Variants in RBL1 observed in about 807,000 individuals in gnomAD.
The protein encoded by RBL1 is RB transcriptional corepressor like 1.
Under a neutral mutation model 123.0 loss-of-function variants are expected in RBL1, and 82 were observed. The observed-to-expected ratio is 0.67, with a 90% CI of 0.56 to 0.80. The LOEUF (loss-of-function observed/expected upper bound fraction) is 0.80. Among genes scored for constraint, RBL1 ranks in the 30% least tolerant of loss-of-function variants. The pLI is 0.00. For missense variants in RBL1, 1,171 were observed against 1,299.6 expected (o/e 0.90, Z 1.52); for synonymous variants, 405 against 441.3 (o/e 0.92, Z 1.03).
At chr20:37,014,720 TGCCACTGTACTCCA>T (rs1190404891) in intron 19 of RBL1, among the ~76,000 whole-genome samples, 1 of 151,906 alleles carries the variant, frequency 6.6e-6, no homozygotes, top group Non-Finnish European at 1.5e-5. Flanking sequence ...GCTGTGACTG[TGCCACTGTACTCCA>T]GCCTGGGTGA....
At chr20:37,001,195 G>A (rs1172183801) in intron 21 of RBL1, among the ~76,000 whole-genome samples, 1 of 147,356 alleles carries the variant, frequency 6.8e-6, no homozygotes, top group African/African-American at 2.5e-5. Context: ...GGCCGCCCCT[G>A]CCCGGCCGCC....
chr20:36,999,839 C>T (rs1432347305), intron 21 of RBL1, among the ~76,000 whole-genome samples: 1 of 152,190 alleles, frequency 6.6e-6, no homozygotes, highest in Non-Finnish European at 1.5e-5. Context: ...TCTCGGCTCG[C>T]TACAACCTCC....
chr20:37,037,181 T>C (rs1473415904), intron 14 of RBL1, among the ~76,000 whole-genome samples: 1 of 152,232 alleles, frequency 6.6e-6, no homozygotes, highest in Non-Finnish European at 1.5e-5. Flanking sequence ...ACGCAAGCCC[T>C]TGAATCTGAC....
intron 2 of RBL1, among the ~76,000 whole-genome samples, chr20:37,088,132 G>A (rs948424932): frequency 6.6e-6 from 1 of 152,080 alleles, no homozygotes; most frequent in Non-Finnish European, 1.5e-5. Context: ...AGGCGTGGTG[G>A]CACATGCCTG....
At chr20:37,018,177 C>A in intron 19 of RBL1, 102 bp downstream of exon 19, 1 of 1,313,174 alleles carries the variant, frequency 7.6e-7, no homozygotes, top group Non-Finnish European at 1.0e-6. Flanking sequence ...GTCCACCTCA[C>A]CTCCTTATGA....
rs1415932951 is a variant in RBL1, at chr20:37,095,809, G to C, written c.120C>G (p.Asp40Glu). ...LDEGSAAEAL[D>E]DFTAIRGNYS... ...AGTTGCCTCGGATGGCAGTAAAGTC[G>C]TCCAGGGCTTCGGCCGCGCTCCCCT... Residue 40 changes from aspartate (D) to glutamate (E), a missense_variant, in exon 1 of 22, where the codon GAC becomes GAG. Asp to Glu is a conservative substitution (Grantham distance 45, BLOSUM62 2). Coordinates refer to ENST00000373664, the MANE Select transcript of RBL1 (RefSeq NM_002895.5). 1 of 1,610,088 alleles carries C rather than the reference G, an allele frequency of 6.2e-7. No individual in the cohort carries two copies. Among genetic ancestry groups the C allele is most frequent in the East Asian group, 2.2e-5 (1 of 44,808 alleles).
At chr20:37,066,442 T>A (rs751844630) in intron 6 of RBL1, among the ~76,000 whole-genome samples, 1 of 152,252 alleles carries the variant, frequency 6.6e-6, no homozygotes, top group Non-Finnish European at 1.5e-5. Context: ...TTGTCAGCCC[T>A]ACTCTGATGT....
chr20:36,999,340 C>T (rs1009748365), intron 21 of RBL1, among the ~76,000 whole-genome samples: 1 of 148,030 alleles, frequency 6.8e-6, no homozygotes, highest in East Asian at 1.9e-4. Context: ...GAGGTTGAAG[C>T]TGCAGTGAGC....
At chr20:37,021,382 G>C (rs964376031) in intron 17 of RBL1, among the ~76,000 whole-genome samples, 1 of 152,020 alleles carries the variant, frequency 6.6e-6, no homozygotes, top group Non-Finnish European at 1.5e-5. Flanking sequence ...GGCAAAGCCT[G>C]AACTCTAACA....
At chr20:37,025,205 A>T (rs139984875) in intron 16 of RBL1, among the ~76,000 whole-genome samples, 182 of 148,364 alleles carry the variant, frequency 1.2e-3, no homozygotes, top group Non-Finnish European at 2.0e-3. Flanking sequence ...ACCTTCCTGT[A>T]ATAAAGACTA....
At chr20:37,014,085 CTTTT>C (rs1184794374) in intron 19 of RBL1, among the ~76,000 whole-genome samples, 6 of 136,284 alleles carry the variant, frequency 4.4e-5, no homozygotes, top group Admixed American at 7.4e-5. Context: ...AACTTTCTCT[CTTTT>C]TTTTTTTTTT....
At chr20:37,045,081 C>CTTACTTATTTATTTAT (rs1555857366) in intron 12 of RBL1, among the ~76,000 whole-genome samples, 3 of 146,172 alleles carry the variant, frequency 2.1e-5, no homozygotes, top group Admixed American at 6.9e-5. Flanking sequence ...CATTTATTTA[C>CTTACTTATTTATTTAT]TTATTTATTT....
chr20:37,043,474 G>A (rs1216983675), intron 13 of RBL1, among the ~76,000 whole-genome samples: 9 of 150,824 alleles, frequency 6.0e-5, no homozygotes, highest in African/African-American at 2.2e-4. Context: ...CTGGGTGACA[G>A]AGCAAGACTC....
chr20:37,030,068 CA>C (rs2064482313), intron 16 of RBL1, among the ~76,000 whole-genome samples: 1 of 152,120 alleles, frequency 6.6e-6, no homozygotes, highest in African/African-American at 2.4e-5. Context: ...AATGTTTTTG[CA>C]GAAAGAGAAA....
chr20:37,040,422 G>A, intron 13 of RBL1, 137 bp from the exon 14 acceptor site: 1 of 1,328,610 alleles, frequency 7.5e-7, no homozygotes, highest in Non-Finnish European at 9.9e-7. Flanking sequence ...CACGATTTCA[G>A]CTCACAGCAA....
At chr20:37,025,748 T>G (rs939965551) in intron 16 of RBL1, among the ~76,000 whole-genome samples, 5 of 147,678 alleles carry the variant, frequency 3.4e-5, no homozygotes, top group Non-Finnish European at 7.5e-5. Flanking sequence ...GGACCTGGGT[T>G]TTTTTTTTTT....
At chr20:37,005,002 C>A (rs1261393166) in intron 20 of RBL1, among the ~76,000 whole-genome samples, 1 of 152,064 alleles carries the variant, frequency 6.6e-6, no homozygotes, top group African/African-American at 2.4e-5. Context: ...GATTATGTCA[C>A]TGCACTCCTC....
intron 1 of RBL1, 33 bp from the exon 2 acceptor site, chr20:37,089,155 A>G (rs768442215): frequency 2.4e-5 from 38 of 1,552,984 alleles, no homozygotes; most frequent in South Asian, 9.6e-5. Flanking sequence ...CAAAACAGGT[A>G]TAATATTATG....
chr20:37,021,983 A>C (rs1178420796), intron 17 of RBL1: 2 of 152,138 alleles, frequency 1.3e-5, no homozygotes, highest in African/African-American at 4.8e-5. Flanking sequence ...TGTATGGTGC[A>C]TTTTCTCGTC....
Sources: gnomAD v4.1 joint callset for allele counts (sites outside exome capture counted in the v4.1 genomes callset) on GRCh38, gnomAD v4.1.1 for gene constraint, MANE v1.5 for transcripts, NCBI Gene and HGNC (gene_info 2026-07-23, HGNC 2026-07-21) for gene names.